The following NKAIN2 variants were observed in gnomAD, a reference collection of about 807,000 sequenced individuals.
The protein encoded by NKAIN2 is sodium/potassium transporting ATPase interacting 2.
Under a neutral mutation model 32.6 loss-of-function variants are expected in NKAIN2, and 14 were observed. The observed-to-expected ratio is 0.43, with a 90% CI of 0.28 to 0.67. NKAIN2 has a LOEUF of 0.67. Ranked by LOEUF, NKAIN2 falls within the 30% of genes least tolerant of loss-of-function variation. NKAIN2 has a pLI of 0.17. For missense variants in NKAIN2, 198 were observed against 258.3 expected (o/e 0.77, Z 1.60); for synonymous variants, 80 against 87.2 (o/e 0.92, Z 0.46).
At chr6:124,558,448 T>A (rs1780559864) in intron 3 of NKAIN2, among the ~76,000 whole-genome samples, 1 of 152,196 alleles carries the variant, frequency 6.6e-6, no homozygotes, top group Non-Finnish European at 1.5e-5. Flanking sequence ...AAAAGCTACC[T>A]TCAGACTTTC....
intron 4 of NKAIN2, among the ~76,000 whole-genome samples, chr6:124,685,996 G>A (rs914414944): frequency 1.3e-5 from 2 of 152,150 alleles, no homozygotes; most frequent in Admixed American, 6.5e-5. Flanking sequence ...GTTCTCAGCT[G>A]AGGCTTGGCT....
chr6:124,301,356 C>T (rs756583789), intron 2 of NKAIN2, among the ~76,000 whole-genome samples: 1 of 152,202 alleles, frequency 6.6e-6, no homozygotes, highest in Non-Finnish European at 1.5e-5. Flanking sequence ...AGGTGTCCTG[C>T]AGGCGCAGAA....
intron 5 of NKAIN2, among the ~76,000 whole-genome samples, chr6:124,791,656 C>A (rs1779754276): frequency 6.6e-6 from 1 of 152,064 alleles, no homozygotes; most frequent in African/African-American, 2.4e-5. Flanking sequence ...CTCTTATAAA[C>A]AATTCTAGTA....
At chr6:124,740,271 A>G (rs1308614202) in intron 4 of NKAIN2, among the ~76,000 whole-genome samples, 5 of 151,790 alleles carry the variant, frequency 3.3e-5, no homozygotes, top group African/African-American at 1.2e-4. Flanking sequence ...CTTCCCCCAG[A>G]TAATTTATGT....
In NKAIN2 at chr6:123,920,350, A is replaced by C. The variant is rs553103013; in HGVS notation, c.54+116096A>C. Among the ~76,000 whole-genome samples, 7 of 152,258 alleles carry C rather than the reference A, an allele frequency of 4.6e-5. No individual in the cohort carries two copies. In the East Asian group the frequency reaches 7.7e-4, roughly 17 times the overall value. On this transcript the variant is annotated intron_variant, in intron 1 of 6. Transcript: ENST00000368417. The stretch of plus-strand genomic sequence containing the variant: ...TTTAAATTGGGCTGATTTTTGGTGC[A>C]CACTCCTTTATGCCTGGATTTTAAA...
chr6:124,576,462 G>A (rs944795709), intron 3 of NKAIN2, among the ~76,000 whole-genome samples: 2 of 152,100 alleles, frequency 1.3e-5, no homozygotes, highest in Middle Eastern at 3.2e-3. Context: ...AAAGTCATGC[G>A]AACCACACTG....
At chr6:124,233,858 G>A (rs775990097) in intron 1 of NKAIN2, among the ~76,000 whole-genome samples, 2 of 152,044 alleles carry the variant, frequency 1.3e-5, no homozygotes, top group African/African-American at 2.4e-5. Flanking sequence ...TATACTATAC[G>A]AACATTCCAA....
intron 4 of NKAIN2, among the ~76,000 whole-genome samples, chr6:124,691,184 G>T (rs1774239813): frequency 1.3e-5 from 2 of 152,016 alleles, no homozygotes; most frequent in South Asian, 4.1e-4. Context: ...ATTTTCCTAT[G>T]CCACATTTGG....
intron 3 of NKAIN2, among the ~76,000 whole-genome samples, chr6:124,426,405 A>T (rs944639799): frequency 6.6e-6 from 1 of 152,208 alleles, no homozygotes; most frequent in Non-Finnish European, 1.5e-5. Flanking sequence ...AATCCACAGG[A>T]TAGGAGAAAA....
intron 1 of NKAIN2, among the ~76,000 whole-genome samples, chr6:124,187,565 A>G (rs754800791): frequency 1.6e-4 from 24 of 152,158 alleles, no homozygotes; most frequent in Non-Finnish European, 2.9e-4. Context: ...TTCCGAAGGT[A>G]GGGCACAAGA....
At chr6:124,267,273 C>T (rs1481011908) in intron 1 of NKAIN2, among the ~76,000 whole-genome samples, 1 of 152,070 alleles carries the variant, frequency 6.6e-6, no homozygotes, top group African/African-American at 2.4e-5. Context: ...ACACCGTTTT[C>T]ATGAAAGATA....
intron 4 of NKAIN2, among the ~76,000 whole-genome samples, chr6:124,706,758 T>C (rs1186738028): frequency 1.3e-5 from 2 of 152,202 alleles, no homozygotes; most frequent in Non-Finnish European, 2.9e-5. Context: ...ATCTGGCATG[T>C]AATGACTGTC....
chr6:124,272,141 C>T (rs1487104563), intron 1 of NKAIN2, among the ~76,000 whole-genome samples: 1 of 152,156 alleles, frequency 6.6e-6, no homozygotes, highest in Non-Finnish European at 1.5e-5. Flanking sequence ...CAGAAATTTG[C>T]ATAAGTAACA....
intron 1 of NKAIN2, among the ~76,000 whole-genome samples, chr6:124,271,693 A>G (rs1015036643): frequency 3.9e-5 from 6 of 152,200 alleles, no homozygotes; most frequent in Non-Finnish European, 8.8e-5. Flanking sequence ...TTGTAAGAAG[A>G]CAGGAAGATG....
intron 4 of NKAIN2, among the ~76,000 whole-genome samples, chr6:124,714,701 GT>G (rs1775667013): frequency 6.6e-6 from 1 of 152,198 alleles, no homozygotes; most frequent in Non-Finnish European, 1.5e-5. Flanking sequence ...GTACATTGTA[GT>G]TCCCTGAGGC....
At chr6:123,915,970 T>C (rs1246022161) in intron 1 of NKAIN2, among the ~76,000 whole-genome samples, 1 of 152,148 alleles carries the variant, frequency 6.6e-6, no homozygotes, top group Non-Finnish European at 1.5e-5. Context: ...GGACCTAATG[T>C]TTTATGCACT....
chr6:124,515,927 G>C (rs1170579249), intron 3 of NKAIN2, among the ~76,000 whole-genome samples: 1 of 152,010 alleles, frequency 6.6e-6, no homozygotes, highest in Admixed American at 6.6e-5. Context: ...AGAGTCTTCT[G>C]TATTTAATTA....
intron 3 of NKAIN2, among the ~76,000 whole-genome samples, chr6:124,430,665 A>G (rs1775178408): frequency 7.8e-6 from 1 of 127,512 alleles, no homozygotes; most frequent in South Asian, 2.3e-4. Context: ...GAAGATGTAT[A>G]TTTCAAAAAA....
At chr6:124,517,630 G>T (rs1241429712) in intron 3 of NKAIN2, among the ~76,000 whole-genome samples, 4 of 151,994 alleles carry the variant, frequency 2.6e-5, no homozygotes, top group African/African-American at 9.7e-5. Flanking sequence ...CTCCTAGAGA[G>T]CCCCTAGTTG....
Sources: gnomAD v4.1 joint callset for allele counts (sites outside exome capture counted in the v4.1 genomes callset) on GRCh38, gnomAD v4.1.1 for gene constraint, MANE v1.5 for transcripts, NCBI Gene and HGNC (gene_info 2026-07-23, HGNC 2026-07-21) for gene names.